The following TUT7 variants were observed in gnomAD, a reference collection of about 807,000 sequenced individuals.
TUT7 encodes terminal uridylyltransferase 7.
A neutral mutation model predicts 165.9 loss-of-function variants in TUT7; 33 were observed. The ratio of observed to expected loss-of-function variants is 0.20; its 90% CI spans 0.15 to 0.27. The LOEUF (loss-of-function observed/expected upper bound fraction) is 0.27, where lower values mean the gene tolerates loss of function less well. Among genes scored for constraint, TUT7 ranks in the 10% least tolerant of loss-of-function variants. TUT7 has a pLI of 1.00. For synonymous variants in TUT7, 552 were observed against 608.1 expected, an observed-to-expected ratio of 0.91 and a Z score of 1.36; for missense variants, 1,338 against 1,762.3, an observed-to-expected ratio of 0.76 and a Z score of 4.31.
intron 2 of TUT7, 134 bp from the exon 3 acceptor site, chr9:86,346,614 T>C: frequency 1.1e-6 from 1 of 871,480 alleles, no homozygotes; most frequent in Non-Finnish European, 1.8e-6. Context: ...GAAAGGTAGC[T>C]GTCCTATGGA....
At chr9:86,341,790 C>G (rs1163775677) in intron 6 of TUT7, among the ~76,000 whole-genome samples, 1 of 152,086 alleles carries the variant, frequency 6.6e-6, no homozygotes, top group East Asian at 1.9e-4. Flanking sequence ...TTAAATGTTC[C>G]CTCTTCAAAG....
At chr9:86,313,286 C>A (rs1268529920) in intron 17 of TUT7, among the ~76,000 whole-genome samples, 1 of 152,072 alleles carries the variant, frequency 6.6e-6, no homozygotes, top group African/African-American at 2.4e-5. Flanking sequence ...GCACCAGGAA[C>A]AGAGGCAGGG....
chr9:86,340,938 GA>G lies in TUT7; in HGVS notation c.1138+63del, dbSNP rs1478750545. On this transcript the variant is annotated intron_variant, in intron 7 of 26. Transcript: ENST00000375963. ...ATGCCTTGCTATTTTCAAAGTTTGA[GA>G]AATAAGATAGATCCAAATTATAGAC... The G allele has an allele frequency of 3.1e-6, 4 of 1,301,302 alleles. No individual in the cohort carries two copies. The Admixed American group carries it at 5.5e-5, about 18-fold the overall frequency. 80.6% of individuals were successfully genotyped at this position (1,301,302 alleles called of 1,614,324 possible). A position where few individuals can be genotyped will look rare whatever the true frequency, so the allele number is the denominator to read the frequency against.
chr9:86,308,251 C>T (rs1200323429), intron 22 of TUT7, among the ~76,000 whole-genome samples, 178 bp downstream of exon 22: 2 of 152,044 alleles, frequency 1.3e-5, no homozygotes, highest in East Asian at 3.9e-4. Context: ...GAAATGGCTT[C>T]AGTCATTTAA....
At chr9:86,321,846 T>A (rs1488674907) in intron 14 of TUT7, among the ~76,000 whole-genome samples, 3 of 152,044 alleles carry the variant, frequency 2.0e-5, no homozygotes, top group African/African-American at 7.2e-5. Flanking sequence ...AAATAAAAGA[T>A]CCTCCATTTG....
rs1831196736 is a variant in TUT7, at chr9:86,340,016, A to G, written c.1208+20T>C. 6.2e-7 allele frequency: 1 copy of G among 1,604,644 alleles called. No homozygotes were observed. Among genetic ancestry groups the G allele is most frequent in the African/African-American group, 1.3e-5 (1 of 74,702 alleles). ...TGGCAAGTTGAGAGTTAGTAAATAAACAGTTTAAAGAAATGAGACCTTTGC... is the reference window on the plus strand; with the variant it reads ...TGGCAAGTTGAGAGTTAGTAAATAAGCAGTTTAAAGAAATGAGACCTTTGC... On this transcript the variant is annotated intron_variant, in intron 8 of 26. Transcript: ENST00000375963.
rs10115130 is a variant in TUT7 at position 86,335,988 on chromosome 9, T to C, written c.1455+1431A>G. ...TGCTGGCCATAGGAAAGGGTATCCA[T>C]ACTACCCTGAAGTATCCTTAGGAGA... On this transcript the variant is annotated intron_variant, in intron 10 of 26. Transcript: ENST00000375963. 1.7e-3 allele frequency among the ~76,000 whole-genome samples: 253 copies of C among 152,324 alleles called. 2 individuals are homozygous for C. The highest frequency in any genetic ancestry group is 5.6e-3 in the African/African-American group (232 of 41,588).
intron 11 of TUT7, among the ~76,000 whole-genome samples, chr9:86,327,322 C>A (rs777099383): frequency 9.9e-5 from 15 of 152,146 alleles, no homozygotes; most frequent in Non-Finnish European, 1.8e-4. Flanking sequence ...AGAACATTTT[C>A]TTTTTCAAAT....
chr9:86,293,345 G>A (rs1480184155), intron 26 of TUT7, among the ~76,000 whole-genome samples: 1 of 152,134 alleles, frequency 6.6e-6, no homozygotes, highest in Non-Finnish European at 1.5e-5. Context: ...CCAGCTACTC[G>A]GGAGACTGAG....
chr9:86,301,417 G>A lies in TUT7; in HGVS notation c.4279C>T (p.Leu1427=), dbSNP rs371713723. Residue 1427 remains leucine, a synonymous_variant, in exon 26 of 27, where the codon CTG becomes TTG. Coordinates refer to ENST00000375963, the MANE Select transcript of TUT7 (RefSeq NM_024617.4). ...GGCCTGAGGATCTTCTCCCTCCCCAGGTCAGCAGCTGCCCGCATTGGCTTG... is the reference window on the plus strand; with the variant it reads ...GGCCTGAGGATCTTCTCCCTCCCCAAGTCAGCAGCTGCCCGCATTGGCTTG... ...KAKPMRAAAD[L]GREKILRPPV... 2 of 1,613,996 alleles carry A rather than the reference G, an allele frequency of 1.2e-6. No homozygotes were observed. Among genetic ancestry groups the A allele is most frequent in the Non-Finnish European group, 1.7e-6 (2 of 1,180,004 alleles).
At chr9:86,346,585 T>C in intron 2 of TUT7, 105 bp from the exon 3 acceptor site, 1 of 1,179,496 alleles carries the variant, frequency 8.5e-7, no homozygotes, top group Non-Finnish European at 1.2e-6. Context: ...ATAAATCACA[T>C]CTGCATGCAG....
intron 18 of TUT7, 101 bp downstream of exon 18, chr9:86,310,605 C>G (rs114255288): frequency 3.3e-6 from 2 of 601,028 alleles, no homozygotes; most frequent in African/African-American, 3.5e-5. Flanking sequence ...GAAAGATTCA[C>G]TAAGATGAAA....
Position 86,287,971 on chromosome 9 carries a change from CATTTT to C in TUT7, c.*701_*705del, listed in dbSNP as rs1454744582. On this transcript the variant is annotated 3_prime_UTR_variant, in exon 27 of 27. Coordinates refer to ENST00000375963, the MANE Select transcript of TUT7 (RefSeq NM_024617.4). ...TATCATAAAAAGTAAAAAGTACTTT[CATTTT>C]ATTTTTCCTTTGAAAATGTTTTTAG... The C allele has an allele frequency of 6.6e-6, 1 of 152,144 alleles. No homozygotes were observed. Among genetic ancestry groups the C allele is most frequent in the African/African-American group, 2.4e-5 (1 of 41,426 alleles). 9.4% of individuals were successfully genotyped at this position (152,144 alleles called of 1,614,324 possible).
intron 22 of TUT7, among the ~76,000 whole-genome samples, chr9:86,306,278 G>A (rs1827467837): frequency 6.6e-6 from 1 of 152,122 alleles, no homozygotes; most frequent in South Asian, 2.1e-4. Context: ...CACTTGCCAG[G>A]TATGCTTCTA....
rs1320879293 is a variant in TUT7, at chr9:86,301,617, T to C, written c.4095-16A>G. On this transcript the variant is annotated splice_polypyrimidine_tract_variant and intron_variant, in intron 25 of 26. Transcript: ENST00000375963. ...CCGTCTTACTCTGTAGAAGATATCATATTAGTAGCAAAAATCTAAACAGAA... is the reference window on the plus strand; with the variant it reads ...CCGTCTTACTCTGTAGAAGATATCACATTAGTAGCAAAAATCTAAACAGAA... 2.5e-6 allele frequency: 4 copies of C among 1,584,782 alleles called. No homozygotes were observed. Among genetic ancestry groups the C allele is most frequent in the African/African-American group, 1.4e-5 (1 of 73,020 alleles).
chr9:86,293,114 A>AAAAC (rs974258782), intron 26 of TUT7, among the ~76,000 whole-genome samples: 1 of 152,318 alleles, frequency 6.6e-6, no homozygotes, highest in Non-Finnish European at 1.5e-5. Context: ...TCACACTATT[A>AAAAC]AAACAAACAT....
At chr9:86,297,453 T>A (rs1415452603) in intron 26 of TUT7, among the ~76,000 whole-genome samples, 2 of 152,258 alleles carry the variant, frequency 1.3e-5, no homozygotes, top group East Asian at 3.8e-4. Context: ...GCTACGTTAT[T>A]CTCGGCAAAA....
At position 86,353,207 on chromosome 9, in the gene TUT7, G is replaced by A; in HGVS notation, c.-8C>T. The A allele has an allele frequency of 1.9e-6, 3 of 1,547,478 alleles. No individual in the cohort carries two copies. The highest frequency in any genetic ancestry group is 2.2e-5 in the Admixed American group (1 of 45,106). ...TTTTGCTGTATCTCCCATGGTCTTT[G>A]ACTTCAATTTTCTTACTTTGCACCT... is the stretch of plus-strand genomic sequence containing the variant. On this transcript the variant is annotated 5_prime_UTR_variant, in exon 2 of 27. Transcript: ENST00000375963.
chr9:86,319,871 C>T (rs1317758585), intron 14 of TUT7, among the ~76,000 whole-genome samples: 1 of 152,096 alleles, frequency 6.6e-6, no homozygotes, highest in Admixed American at 6.5e-5. Context: ...CTGGTTCTGT[C>T]GGCCAGGCTG....
Sources: gnomAD v4.1 joint callset for allele counts (sites outside exome capture counted in the v4.1 genomes callset) on GRCh38, gnomAD v4.1.1 for gene constraint, MANE v1.5 for transcripts, NCBI Gene and HGNC (gene_info 2026-07-23, HGNC 2026-07-21) for gene names.